The following DLL1 variants were observed in gnomAD, a reference collection of about 807,000 sequenced individuals.
The protein encoded by DLL1 is delta-like protein 1.
A neutral mutation model predicts 75.1 loss-of-function variants in DLL1; 9 were observed. The ratio of observed to expected loss-of-function variants is 0.12; its 90% CI spans 0.07 to 0.21. The LOEUF (loss-of-function observed/expected upper bound fraction) is 0.21. Among genes scored for constraint, DLL1 ranks in the 10% least tolerant of loss-of-function variants. The pLI, the probability that DLL1 is intolerant of heterozygous loss-of-function variation, is 1.00. For missense variants in DLL1, 837 were observed against 1,007.6 expected, an observed-to-expected ratio of 0.83 and a Z score of 2.29; for synonymous variants, 477 against 418.3, an observed-to-expected ratio of 1.14 and a Z score of -1.71.
At chr6:170,286,162 T>C in intron 5 of DLL1, 76 bp downstream of exon 5, 1 of 1,597,464 alleles carries the variant, frequency 6.3e-7, no homozygotes, top group Non-Finnish European at 8.6e-7. Flanking sequence ...CCTAGGGCTG[T>C]TTTTACAAAT....
rs1783809180 is a variant in DLL1 at position 170,289,822 on chromosome 6, G to A, written c.55-14C>T. 9 of 1,552,326 alleles carry A rather than the reference G, an allele frequency of 5.8e-6. No homozygotes were observed. In the East Asian group the frequency reaches 2.2e-4, roughly 37 times the overall value. ...AGAGCTCCAGACCTGCACGGGGGAG[G>A]GCGGGGGCGTGAGGACGCGGGTCCC... On this transcript the variant is annotated splice_polypyrimidine_tract_variant and intron_variant, in intron 1 of 10. Coordinates refer to ENST00000366756, the MANE Select transcript of DLL1 (RefSeq NM_005618.4).
intron 8 of DLL1, 139 bp from the exon 9 acceptor site, chr6:170,284,168 G>C: frequency 8.9e-7 from 1 of 1,123,462 alleles, no homozygotes; most frequent in Non-Finnish European, 1.3e-6. Flanking sequence ...AGTCCACAGC[G>C]CAAGGTGACA....
Position 170,290,901 on chromosome 6 carries a change from G to C in DLL1, c.-762C>G. Reference sequence around the variant, plus strand: ...CTGCGCTCTGCCCTCGGCCGGGTCGGGTCTCCGCGGGTGCGCGCAGAGGAT... The same window carrying C: ...CTGCGCTCTGCCCTCGGCCGGGTCGCGTCTCCGCGGGTGCGCGCAGAGGAT... On this transcript the variant is annotated 5_prime_UTR_variant, in exon 1 of 11. Coordinates refer to ENST00000366756, the MANE Select transcript of DLL1 (RefSeq NM_005618.4). The surrounding 1 kb of genome is among the most constrained non-coding windows in gnomAD (Gnocchi z 4.7). 1.2e-5 allele frequency: 8 copies of C among 694,126 alleles called. No homozygotes were observed. The highest frequency in any genetic ancestry group is 2.1e-5 in the Non-Finnish European group (8 of 380,780). 43.0% of individuals were successfully genotyped at this position (694,126 alleles called of 1,614,324 possible).
In DLL1 at chr6:170,282,713, G is replaced by A; in HGVS notation, c.*161C>T. On this transcript the variant is annotated 3_prime_UTR_variant, in exon 11 of 11. Transcript: ENST00000366756. ...CCGGGCCGCGACAGGCTGTCGGCAG[G>A]CGTCGAGGACCTCAGGAGGAGAACC... 1 of 1,225,754 alleles carries A rather than the reference G, an allele frequency of 8.2e-7. No homozygotes were observed. Among genetic ancestry groups the A allele is most frequent in the Non-Finnish European group, 1.2e-6 (1 of 839,164 alleles). The allele number at this position is 1,225,754 out of a possible 1,614,324, so 75.9% of individuals were successfully genotyped here. A position where few individuals can be genotyped will look rare whatever the true frequency, so the allele number is the denominator to read the frequency against.
intron 8 of DLL1, 60 bp downstream of exon 8, chr6:170,284,859 T>C: frequency 2.6e-6 from 4 of 1,539,850 alleles, no homozygotes; most frequent in Admixed American, 1.7e-5. Flanking sequence ...TTGTTTTTAA[T>C]GCCACCTCAG....
chr6:170,284,050 C>T, intron 8 of DLL1, 21 bp from the exon 9 acceptor site: 1 of 1,550,020 alleles, frequency 6.5e-7, no homozygotes, highest in Non-Finnish European at 8.7e-7. Flanking sequence ...GGGACATGAA[C>T]ATCACGTGTC....
At chr6:170,288,107 T>C (rs1428543147) in intron 4 of DLL1, 132 bp downstream of exon 4, 1 of 1,379,538 alleles carries the variant, frequency 7.2e-7, no homozygotes, top group Non-Finnish European at 1.0e-6. Flanking sequence ...TCCACTTCTG[T>C]CCTCTGGGCC....
chr6:170,290,088 G>C lies in DLL1; in HGVS notation c.52C>G (p.Gln18Glu). The part of the protein sequence containing the change: ...ALAVLSALLC[Q>E]VWSSGVFELK... ...GGCGCCCCCACCTGCCCGCCTACCTGACACAGCAAGGCCGAGAGCACCGCC... is the reference window on the plus strand; with the variant it reads ...GGCGCCCCCACCTGCCCGCCTACCTCACACAGCAAGGCCGAGAGCACCGCC... The change falls in exon 1 of 11, where the codon CAG becomes GAG. Residue 18 changes from glutamine to glutamate, a missense_variant and splice_region_variant. Physicochemically the swap from Gln to Glu is conservative, Grantham distance 29 (BLOSUM62 2). Around this residue, in one of 2 missense-constraint regions of DLL1, gnomAD observed 304 missense variants for 461.9 expected, o/e 0.66. Coordinates refer to ENST00000366756, the MANE Select transcript of DLL1 (RefSeq NM_005618.4). This position sits in a 1 kb window ranked among gnomAD's most constrained non-coding sequence, Gnocchi z 4.7. 3 of 1,584,974 alleles carry C rather than the reference G, an allele frequency of 1.9e-6. No individual in the cohort carries two copies. Among genetic ancestry groups the C allele is most frequent in the East Asian group, 2.3e-5 (1 of 43,252 alleles).
chr6:170,289,380 G>C (rs1358192132), intron 2 of DLL1, 132 bp downstream of exon 2: 2 of 1,378,432 alleles, frequency 1.5e-6, no homozygotes, highest in Non-Finnish European at 2.0e-6. Context: ...CCGCTAGGCA[G>C]ATCGCAGCGC....
chr6:170,283,903 C>T lies in DLL1; in HGVS notation c.1376G>A (p.Arg459Gln), dbSNP rs41269633. The stretch of plus-strand genomic sequence containing the variant: ...GCAGGAGAAGTCGTTCACGCCATCC[C>T]GGCAGGTGCCCCCGTTGGCGCACGG... The part of the protein sequence containing the change: ...SSPCANGGTC[R>Q]DGVNDFSCTC... The change falls in exon 9 of 11, where the codon CGG becomes CAG. Residue 459 changes from arginine to glutamine, a missense_variant. Coordinates refer to ENST00000366756, the MANE Select transcript of DLL1 (RefSeq NM_005618.4). 27 of 1,604,686 alleles carry T rather than the reference C, an allele frequency of 1.7e-5. No individual in the cohort carries two copies. Among genetic ancestry groups the T allele is most frequent in the Non-Finnish European group, 2.1e-5 (25 of 1,178,444 alleles).
rs202029364 is a variant in DLL1, at chr6:170,283,526, C to G, written c.1753G>C (p.Gly585Arg). The G allele has an allele frequency of 9.3e-6, 15 of 1,613,722 alleles. No individual in the cohort carries two copies. The Admixed American group carries it at 1.7e-4, about 18-fold the overall frequency. ...AGGTTGTTCATGGTCTCCGTCTCCC[C>G]CCGGCAGGGGTCGGCTGGGGGCCGG... Reference protein sequence around the residue: ...KHRPPADPCRGETETMNNLAN... With the variant: ...KHRPPADPCRRETETMNNLAN... The change falls in exon 9 of 11, where the codon GGG (glycine) becomes CGG (arginine). Residue 585 changes from glycine (G) to arginine (R), a missense_variant. This residue lies in a region of DLL1 where 533 missense variants were observed against 545.7 expected (regional missense o/e 0.98). Transcript: ENST00000366756.
At chr6:170,287,896 T>G (rs1010532475) in intron 4 of DLL1, among the ~76,000 whole-genome samples, 4 of 152,140 alleles carry the variant, frequency 2.6e-5, no homozygotes, top group Non-Finnish European at 2.9e-5. Flanking sequence ...CTCTCTGTGT[T>G]CCTCCCTTCC....
chr6:170,288,457 C>T lies in DLL1; in HGVS notation c.452G>A (p.Arg151Lys), dbSNP rs1453149871. The T allele has an allele frequency of 5.6e-6, 9 of 1,613,998 alleles. No individual in the cohort carries two copies. The Admixed American group carries it at 1.3e-4, about 24-fold the overall frequency. The change falls in exon 4 of 11, where the codon AGG becomes AAG. Residue 151 changes from arginine (R) to lysine (K), a missense_variant. Around this residue, in one of 2 missense-constraint regions of DLL1, gnomAD observed 304 missense variants for 461.9 expected, o/e 0.66. Transcript: ENST00000366756. ...CCACTCCTCGCCCACCGTCAGGTGCCTCTGGGTGGCCAGGCGGCTGATGAG... is the reference window on the plus strand; with the variant it reads ...CCACTCCTCGCCCACCGTCAGGTGCTTCTGGGTGGCCAGGCGGCTGATGAG... ...ERLISRLATQ[R>K]HLTVGEEWSQ...
At chr6:170,288,926 G>A (rs1008285901) in intron 2 of DLL1, 137 bp from the exon 3 acceptor site, 10 of 914,554 alleles carry the variant, frequency 1.1e-5, no homozygotes, top group Non-Finnish European at 1.8e-5. Flanking sequence ...GTCTGGAGAG[G>A]GTCTCCACGC....
At chr6:170,285,754 G>T in intron 5 of DLL1, 55 bp from the exon 6 acceptor site, 13 of 1,610,760 alleles carry the variant, frequency 8.1e-6, no homozygotes, top group Non-Finnish European at 1.1e-5. Context: ...GCTTTGCAGT[G>T]GACATTCTCA....
In DLL1 at chr6:170,290,353, C is replaced by T. The variant is rs1783832003; in HGVS notation, c.-214G>A. 1 of 454,224 alleles carries T rather than the reference C, an allele frequency of 2.2e-6. No individual in the cohort carries two copies. 28.1% of individuals were successfully genotyped at this position (454,224 alleles called of 1,614,324 possible). A position where few individuals can be genotyped will look rare whatever the true frequency, so the allele number is the denominator to read the frequency against. ...TTTATATCCGCCCTGCGAGGTCCCG[C>T]GGCAGCCCCAGGGATGCCCGAGGAA... On this transcript the variant is annotated 5_prime_UTR_variant, in exon 1 of 11. Coordinates refer to ENST00000366756, the MANE Select transcript of DLL1 (RefSeq NM_005618.4). The surrounding 1 kb of genome is among the most constrained non-coding windows in gnomAD (Gnocchi z 4.7).
At chr6:170,288,101 C>T in intron 4 of DLL1, 138 bp downstream of exon 4, 1 of 1,337,198 alleles carries the variant, frequency 7.5e-7, no homozygotes, top group South Asian at 1.3e-5. Context: ...TAGCAATCCA[C>T]TTCTGTCCTC....
In DLL1 at chr6:170,283,573, A is replaced by C. The variant is rs753348036; in HGVS notation, c.1706T>G (p.Val569Gly). 34 of 1,613,182 alleles carry C rather than the reference A, an allele frequency of 2.1e-5. No individual in the cohort carries two copies. Among genetic ancestry groups the C allele is most frequent in the Non-Finnish European group, 2.7e-5 (32 of 1,179,958 alleles). Reference protein sequence around the residue: ...LLGCAAVVVCVRLRLQKHRPP... With the variant: ...LLGCAAVVVCGRLRLQKHRPP... ...CCGGTGCTTCTGCAGCCTCAGCCGG[A>C]CGCAGACCACCACAGCGGCACAGCC... The change falls in exon 9 of 11, where the codon GTC (valine) becomes GGC (glycine). Residue 569 changes from valine (V) to glycine (G), a missense_variant. Around this residue, in one of 2 missense-constraint regions of DLL1, gnomAD observed 533 missense variants for 545.7 expected, o/e 0.98. Transcript: ENST00000366756.
Position 170,282,847 on chromosome 6 carries a change from CG to C in DLL1, c.*26del. Reference sequence around the variant, plus strand: ...GGAATTTTACTTATTTTAAGAGAAACGGGAGTCTTGCCATCTCACTTCCATT... The same window carrying C: ...GGAATTTTACTTATTTTAAGAGAAACGGAGTCTTGCCATCTCACTTCCATT... On this transcript the variant is annotated 3_prime_UTR_variant, in exon 11 of 11. Coordinates refer to ENST00000366756, the MANE Select transcript of DLL1 (RefSeq NM_005618.4). 6.2e-7 allele frequency: 1 copy of C among 1,614,062 alleles called. No homozygotes were observed. The highest frequency in any genetic ancestry group is 8.5e-7 in the Non-Finnish European group (1 of 1,180,032).
Sources: gnomAD v4.1 joint callset for allele counts (sites outside exome capture counted in the v4.1 genomes callset) on GRCh38, gnomAD v4.1.1 for gene constraint, gnomAD v4.1.1 regional missense constraint, Gnocchi (gnomAD v3.1) non-coding constraint, MANE v1.5 for transcripts, NCBI Gene and HGNC (gene_info 2026-07-23, HGNC 2026-07-21) for gene names.